FNBP1L: variants seen among roughly 807,000 people sequenced by gnomAD.
The protein encoded by FNBP1L is formin binding protein 1 like, also known as formin-binding protein 1-like.
In FNBP1L, 36 loss-of-function variants were observed where a neutral mutation model predicts 91.2. The ratio of observed to expected loss-of-function variants is 0.39; its 90% CI spans 0.30 to 0.52. FNBP1L has a LOEUF of 0.52. Ranked by LOEUF, FNBP1L falls within the 20% of genes least tolerant of loss-of-function variation. The pLI is 0.66. For synonymous variants in FNBP1L, 242 were observed against 237.0 expected (o/e 1.02, Z -0.19); for missense variants, 571 against 732.1 (o/e 0.78, Z 2.54).
At chr1:93,486,873 C>A (rs1322417306) in intron 1 of FNBP1L, among the ~76,000 whole-genome samples, 1 of 152,158 alleles carries the variant, frequency 6.6e-6, no homozygotes, top group Non-Finnish European at 1.5e-5. Flanking sequence ...CAGATCATTT[C>A]CATTAGCAAG....
At chr1:93,471,037 G>A (rs958247433) in intron 1 of FNBP1L, among the ~76,000 whole-genome samples, 2 of 152,132 alleles carry the variant, frequency 1.3e-5, no homozygotes, top group Non-Finnish European at 1.5e-5. Context: ...TTCTTTTTTA[G>A]TGATGCAAAA....
rs771487295 is a variant in FNBP1L at position 93,549,430 on chromosome 1, T to C, written c.1651+4T>C. ...AAAGCTATCTACCCTTTTGATGGTA[T>C]GATTTTCTTAATAATATTGTATGTA... On this transcript the variant is annotated splice_donor_region_variant and intron_variant, in intron 15 of 16. Transcript: ENST00000271234. 1.9e-6 allele frequency: 3 copies of C among 1,566,162 alleles called. No individual in the cohort carries two copies. The highest frequency in any genetic ancestry group is 2.6e-6 in the Non-Finnish European group (3 of 1,162,722).
chr1:93,518,744 A>G (rs149323177), intron 2 of FNBP1L, among the ~76,000 whole-genome samples: 56 of 152,318 alleles, frequency 3.7e-4, no homozygotes, highest in African/African-American at 1.3e-3. Flanking sequence ...TTCATTTGCT[A>G]AAGTCTACAC....
intron 16 of FNBP1L, 72 bp from the exon 17 acceptor site, chr1:93,552,337 A>G: frequency 1.3e-6 from 2 of 1,550,202 alleles, no homozygotes; most frequent in Non-Finnish European, 8.7e-7. Flanking sequence ...AGGCACTTTA[A>G]ACTGAACACC....
Position 93,549,417 on chromosome 1 carries a change from C to A in FNBP1L, c.1642C>A (p.Pro548Thr), listed in dbSNP as rs777867423. ...PAIGHCKAIY[P>T]FDGHNEGTLA... Reference sequence around the variant, plus strand: ...TATTGGACACTGCAAAGCTATCTACCCTTTTGATGGTATGATTTTCTTAAT... The same window carrying A: ...TATTGGACACTGCAAAGCTATCTACACTTTTGATGGTATGATTTTCTTAAT... The change falls in exon 15 of 17, where the codon CCT (proline) becomes ACT (threonine). Residue 548 changes from proline to threonine, a missense_variant. Pro to Thr is a conservative substitution (Grantham distance 38). Around this residue, in one of 5 missense-constraint regions of FNBP1L, gnomAD observed 189 missense variants for 219.7 expected, o/e 0.86. Coordinates refer to ENST00000271234, the MANE Select transcript of FNBP1L (RefSeq NM_001164473.3). 4.4e-6 allele frequency: 7 copies of A among 1,579,598 alleles called. No homozygotes were observed. The East Asian group carries it at 1.1e-4, about 25-fold the overall frequency.
intron 2 of FNBP1L, among the ~76,000 whole-genome samples, chr1:93,516,585 G>A (rs974770714): frequency 1.3e-5 from 2 of 152,112 alleles, no homozygotes; most frequent in Non-Finnish European, 2.9e-5. Context: ...GGAGGCTAAG[G>A]TGAGGTCAGG....
At chr1:93,481,495 A>T (rs940447739) in intron 1 of FNBP1L, among the ~76,000 whole-genome samples, 1 of 152,212 alleles carries the variant, frequency 6.6e-6, no homozygotes, top group Non-Finnish European at 1.5e-5. Flanking sequence ...CCCATTAATT[A>T]TGGGATAAAA....
chr1:93,544,318 A>G (rs1672145782), intron 12 of FNBP1L, 102 bp downstream of exon 12: 2 of 627,514 alleles, frequency 3.2e-6, no homozygotes, highest in Admixed American at 7.5e-5. Context: ...CATATATCCT[A>G]ATTGAAATAT....
At chr1:93,513,939 GAAAT>G (rs1169942038) in intron 2 of FNBP1L, among the ~76,000 whole-genome samples, 7 of 152,116 alleles carry the variant, frequency 4.6e-5, no homozygotes, top group African/African-American at 1.7e-4. Flanking sequence ...GCAGGAGAAA[GAAAT>G]AAAGGGTATT....
intron 1 of FNBP1L, among the ~76,000 whole-genome samples, chr1:93,462,861 CTA>C (rs952228949): frequency 1.2e-4 from 18 of 152,088 alleles, no homozygotes; most frequent in Admixed American, 2.6e-4. Context: ...AAGGAAGTCA[CTA>C]TGTATAGCGA....
chr1:93,489,901 A>AAACAT, intron 1 of FNBP1L, among the ~76,000 whole-genome samples: 1 of 152,334 alleles, frequency 6.6e-6, no homozygotes, highest in South Asian at 2.1e-4. Context: ...AGATCTTTAA[A>AAACAT]AACATTTTTG....
intron 2 of FNBP1L, 56 bp from the exon 3 acceptor site, chr1:93,522,026 C>A: frequency 8.9e-7 from 1 of 1,127,174 alleles, no homozygotes; most frequent in East Asian, 2.8e-5. Context: ...TAGACTATTT[C>A]AATTGTAACA....
chr1:93,451,220 A>G (rs988344180), intron 1 of FNBP1L, among the ~76,000 whole-genome samples: 1 of 152,256 alleles, frequency 6.6e-6, no homozygotes, highest in African/African-American at 2.4e-5. Flanking sequence ...CAGATAGCCA[A>G]ATATGAATTA....
intron 1 of FNBP1L, among the ~76,000 whole-genome samples, chr1:93,460,106 A>C (rs1468188308): frequency 2.0e-5 from 3 of 152,130 alleles, no homozygotes; most frequent in Non-Finnish European, 4.4e-5. Context: ...AGGTTTTGGA[A>C]CATTTCCGAT....
chr1:93,521,972 T>C (rs1484073567), intron 2 of FNBP1L, 110 bp from the exon 3 acceptor site: 4 of 526,850 alleles, frequency 7.6e-6, no homozygotes, highest in Non-Finnish European at 1.2e-5. Context: ...GCTGTCTTAA[T>C]TGTTTTATAT....
At chr1:93,515,431 C>G (rs1377694188) in intron 2 of FNBP1L, among the ~76,000 whole-genome samples, 9 of 151,738 alleles carry the variant, frequency 5.9e-5, no homozygotes, top group Non-Finnish European at 1.2e-4. Context: ...ACCCAAAGGA[C>G]TATAAATCAT....
At chr1:93,458,930 T>C (rs551566266) in intron 1 of FNBP1L, among the ~76,000 whole-genome samples, 9 of 152,234 alleles carry the variant, frequency 5.9e-5, no homozygotes, top group Non-Finnish European at 1.0e-4. Flanking sequence ...TAGACCCATA[T>C]AGACTTTGGT....
chr1:93,514,924 G>T (rs760002623), intron 2 of FNBP1L, among the ~76,000 whole-genome samples: 28 of 152,088 alleles, frequency 1.8e-4, no homozygotes, highest in Middle Eastern at 3.2e-3. Context: ...AAATGGGATC[G>T]AATTAAAATA....
intron 2 of FNBP1L, among the ~76,000 whole-genome samples, chr1:93,513,763 C>G (rs951605637): frequency 6.6e-6 from 1 of 152,148 alleles, no homozygotes; most frequent in Non-Finnish European, 1.5e-5. Context: ...ATTGATGGGA[C>G]GTATTTCAAA....
Sources: allele counts gnomAD v4.1 joint callset (sites outside exome capture counted in the v4.1 genomes callset), GRCh38; gene constraint gnomAD v4.1.1; regional missense constraint gnomAD v4.1.1; transcripts MANE v1.5; gene names NCBI Gene and HGNC (gene_info 2026-07-23, HGNC 2026-07-21).